Variants in MOK observed in about 807,000 individuals in gnomAD.
The protein encoded by MOK is MOK protein kinase, also known as MAPK/MAK/MRK overlapping kinase.
A neutral mutation model predicts 54.2 loss-of-function variants in MOK; 59 were observed. The observed-to-expected ratio is 1.09, with a 90% CI of 0.88 to 1.35. The LOEUF (loss-of-function observed/expected upper bound fraction) is 1.35, where lower values mean the gene tolerates loss of function less well. Ranked by LOEUF, MOK falls within the 40% of genes most tolerant of loss-of-function variation. The pLI, the probability that MOK is intolerant of heterozygous loss-of-function variation, is 0.00. For synonymous variants in MOK, 210 were observed against 202.7 expected, an observed-to-expected ratio of 1.04 and a Z score of -0.31; for missense variants, 517 against 526.2, an observed-to-expected ratio of 0.98 and a Z score of 0.17.
At chr14:102,303,888 T>A (rs781749520) in intron 1 of MOK, among the ~76,000 whole-genome samples, 9 of 152,226 alleles carry the variant, frequency 5.9e-5, no homozygotes, top group Non-Finnish European at 7.3e-5. Flanking sequence ...GCAACTTTCC[T>A]GTACATCTGA....
intron 7 of MOK, among the ~76,000 whole-genome samples, chr14:102,237,503 T>C (rs1332870834): frequency 2.0e-5 from 3 of 152,154 alleles, no homozygotes; most frequent in East Asian, 1.9e-4. Flanking sequence ...TTTTTTAGAA[T>C]ATGGATTCCC....
the MOK span, among the ~76,000 whole-genome samples, chr14:102,216,398 C>T: frequency 6.6e-6 from 1 of 152,124 alleles, no homozygotes; most frequent in African/African-American, 2.4e-5. Context: ...GCTCAGTGAT[C>T]CTCCCATCTA....
At position 102,304,942 on chromosome 14, in the gene MOK, C is replaced by T. The variant is rs377547553; in HGVS notation, c.7+20G>A. 468 of 1,606,604 alleles carry T rather than the reference C, an allele frequency of 2.9e-4. 4 individuals carry two copies. The highest frequency in any genetic ancestry group is 2.0e-3 in the South Asian group (177 of 89,380). On this transcript the variant is annotated intron_variant, in intron 1 of 11. Transcript: ENST00000361847. ...GCCACTCGCTCTCCAGTCCCTGCCC[C>T]TTTCCCCGGCCCCACTCACTCTTCA...
intron 2 of MOK, among the ~76,000 whole-genome samples, chr14:102,268,625 G>T (rs10141137): frequency 0.02 from 3,038 of 152,202 alleles, 73 homozygotes; most frequent in African/African-American, 0.051. Flanking sequence ...TAAAAAAAAT[G>T]TAAAGATCGG....
intron 1 of MOK, among the ~76,000 whole-genome samples, chr14:102,292,245 G>A (rs1264856346): frequency 2.6e-5 from 4 of 151,962 alleles, no homozygotes; most frequent in Non-Finnish European, 4.4e-5. Context: ...AGGCTGAGGC[G>A]GGTGGATCAC....
intron 2 of MOK, 71 bp downstream of exon 2, chr14:102,283,406 CT>C (rs772939916): frequency 2.3e-5 from 21 of 920,458 alleles, no homozygotes; most frequent in Non-Finnish European, 3.6e-5. Flanking sequence ...AAGCTCCCCC[CT>C]AATATTAAGT....
intron 1 of MOK, among the ~76,000 whole-genome samples, chr14:102,298,238 T>A (rs2071679169): frequency 6.6e-6 from 1 of 152,162 alleles, no homozygotes; most frequent in Non-Finnish European, 1.5e-5. Flanking sequence ...AGCTCAAGGT[T>A]TGTAAATGCA....
At chr14:102,262,184 C>T (rs751159542) in intron 4 of MOK, among the ~76,000 whole-genome samples, 9 of 151,830 alleles carry the variant, frequency 5.9e-5, no homozygotes, top group Non-Finnish European at 7.4e-5. Context: ...CTCGCTCTGT[C>T]GCCCAGGCTG....
chr14:102,259,070 A>C (rs2153123194), intron 4 of MOK, among the ~76,000 whole-genome samples: 1 of 144,534 alleles, frequency 6.9e-6, no homozygotes, highest in East Asian at 2.0e-4. Context: ...CATCTCAAGA[A>C]AAAAAAAAAA....
At chr14:102,265,143 C>T (rs1291198616) in intron 3 of MOK, among the ~76,000 whole-genome samples, 2 of 152,162 alleles carry the variant, frequency 1.3e-5, no homozygotes, top group Non-Finnish European at 2.9e-5. Context: ...GGAGACTGTT[C>T]AGAAATGGCA....
At chr14:102,281,167 T>C (rs2069381218) in intron 2 of MOK, among the ~76,000 whole-genome samples, 1 of 151,786 alleles carries the variant, frequency 6.6e-6, no homozygotes, top group South Asian at 2.1e-4. Context: ...CTACTAAAAA[T>C]ACAAAAATTA....
In MOK at chr14:102,232,090, CA is replaced by C. The variant is rs1484677848; in HGVS notation, c.867-270del. 7.7e-5 allele frequency: 33 copies of C among 428,564 alleles called. No individual in the cohort carries two copies. Among genetic ancestry groups the C allele is most frequent in the African/African-American group, 6.6e-4 (33 of 49,934 alleles). 26.5% of individuals were successfully genotyped at this position (428,564 alleles called of 1,614,324 possible). Reference sequence around the variant, plus strand: ...TCAAACTGTCACCTCCACAGTTAGGCAAACAGGAGTGTCCAGAGGTCCGGAA... The same window carrying C: ...TCAAACTGTCACCTCCACAGTTAGGCAACAGGAGTGTCCAGAGGTCCGGAA... On this transcript the variant is annotated intron_variant, in intron 9 of 11. Coordinates refer to ENST00000361847, the MANE Select transcript of MOK (RefSeq NM_014226.3). This position sits in a 1 kb window ranked among gnomAD's most constrained non-coding sequence, Gnocchi z 5.1.
chr14:102,215,364 C>G, the MOK span, among the ~76,000 whole-genome samples: 71 of 152,304 alleles, frequency 4.7e-4, no homozygotes, highest in African/African-American at 1.7e-3. Context: ...GTTACATGGA[C>G]TCACTATCCC....
chr14:102,290,265 C>G (rs189625645), intron 1 of MOK, among the ~76,000 whole-genome samples: 67 of 151,688 alleles, frequency 4.4e-4, no homozygotes, highest in Non-Finnish European at 3.2e-4. Context: ...CATGGAAAAA[C>G]CCCATCTCTA....
chr14:102,304,779 C>T (rs2072600825), intron 1 of MOK, among the ~76,000 whole-genome samples, 183 bp downstream of exon 1: 1 of 152,150 alleles, frequency 6.6e-6, no homozygotes, highest in Non-Finnish European at 1.5e-5. Flanking sequence ...CCCAGGGGCA[C>T]CGGCTTCTCA....
downstream of MOK, chr14:102,226,371 G>T (rs748525178): frequency 4.3e-6 from 3 of 703,002 alleles, no homozygotes; most frequent in Admixed American, 2.0e-5. This position sits in a 1 kb window ranked among gnomAD's most constrained non-coding sequence, Gnocchi z 4.8. Context: ...ATGGGGAGGA[G>T]GACGGCTGAG....
chr14:102,257,871 G>C, intron 4 of MOK, among the ~76,000 whole-genome samples: 1 of 151,930 alleles, frequency 6.6e-6, no homozygotes, highest in East Asian at 1.9e-4. Context: ...CAGCTACTTG[G>C]GAGCCTGAGG....
At chr14:102,221,581 A>G (rs544725774), downstream of MOK, among the ~76,000 whole-genome samples, 3 of 152,298 alleles carry the variant, frequency 2.0e-5, no homozygotes, top group African/African-American at 7.2e-5. This position sits in a 1 kb window ranked among gnomAD's most constrained non-coding sequence, Gnocchi z 4.8. Flanking sequence ...AAGCACTCCT[A>G]TAGACTCTGA....
downstream of MOK, among the ~76,000 whole-genome samples, chr14:102,221,453 C>A (rs1364506257): frequency 6.6e-6 from 1 of 152,216 alleles, no homozygotes; most frequent in African/African-American, 2.4e-5. The surrounding 1 kb of genome is among the most constrained non-coding windows in gnomAD (Gnocchi z 4.8). Flanking sequence ...GGGTCAGGAA[C>A]CTGCTGCCCA....
Sources: allele counts gnomAD v4.1 joint callset (sites outside exome capture counted in the v4.1 genomes callset), GRCh38; gene constraint gnomAD v4.1.1; non-coding constraint Gnocchi (gnomAD v3.1); transcripts MANE v1.5; gene names NCBI Gene and HGNC (gene_info 2026-07-23, HGNC 2026-07-21).